TENM3: variants seen among roughly 807,000 people sequenced by gnomAD.
TENM3 encodes the protein teneurin transmembrane protein 3.
In TENM3, 63 loss-of-function variants were observed where a neutral mutation model predicts 255.1. The observed-to-expected ratio is 0.25, with a 90% confidence interval of 0.20 to 0.30. The LOEUF (loss-of-function observed/expected upper bound fraction) is 0.30, where lower values mean the gene tolerates loss of function less well. Ranked by LOEUF, TENM3 falls within the 10% of genes least tolerant of loss-of-function variation. The pLI, the probability that TENM3 is intolerant of heterozygous loss-of-function variation, is 1.00. For missense variants in TENM3, 2,929 were observed against 3,461.1 expected (o/e 0.85, Z 3.86); for synonymous variants, 1,306 against 1,322.3 (o/e 0.99, Z 0.27).
At chr4:182,543,787 A>G (rs1198485112) in intron 3 of TENM3, among the ~76,000 whole-genome samples, 2 of 151,708 alleles carry the variant, frequency 1.3e-5, no homozygotes, top group Non-Finnish European at 2.9e-5. Context: ...TGTGTCAGCT[A>G]CTCTATTTTA....
At chr4:182,435,035 A>G (rs1580529653) in intron 3 of TENM3, among the ~76,000 whole-genome samples, 1 of 152,204 alleles carries the variant, frequency 6.6e-6, no homozygotes, top group African/African-American at 2.4e-5. Flanking sequence ...GTCTATAAAA[A>G]TATAATTCTG....
At chr4:182,381,809 C>T (rs1399936611) in intron 3 of TENM3, among the ~76,000 whole-genome samples, 1 of 152,200 alleles carries the variant, frequency 6.6e-6, no homozygotes, top group African/African-American at 2.4e-5. Flanking sequence ...GATCTGCCCG[C>T]ATCGGCCTCC....
At chr4:182,505,386 G>T (rs1235954579) in intron 3 of TENM3, among the ~76,000 whole-genome samples, 2 of 152,048 alleles carry the variant, frequency 1.3e-5, no homozygotes, top group African/African-American at 4.8e-5. Context: ...ATAATTAAAT[G>T]TCTAAATTAT....
intron 17 of TENM3, among the ~76,000 whole-genome samples, 180 bp from the exon 18 acceptor site, chr4:182,738,220 CT>C (rs869047806): frequency 3.3e-5 from 5 of 151,908 alleles, no homozygotes; most frequent in African/African-American, 1.2e-4. Flanking sequence ...ATTTGGAGAT[CT>C]TTTTTTAAAA....
At chr4:182,507,331 T>C (rs1212450928) in intron 3 of TENM3, among the ~76,000 whole-genome samples, 1 of 152,198 alleles carries the variant, frequency 6.6e-6, no homozygotes, top group Non-Finnish European at 1.5e-5. Flanking sequence ...CCAGCTTTAC[T>C]GTTTTCTTTT....
At chr4:181,523,907 C>T in the TENM3 span, among the ~76,000 whole-genome samples, 1 of 152,152 alleles carries the variant, frequency 6.6e-6, no homozygotes, top group East Asian at 1.9e-4. Context: ...CTCTGAAGAG[C>T]TTTCATTTGA....
chr4:182,425,090 T>A (rs1014556867), intron 3 of TENM3, among the ~76,000 whole-genome samples: 31 of 152,198 alleles, frequency 2.0e-4, no homozygotes, highest in African/African-American at 5.1e-4. Flanking sequence ...CTGGTATTAA[T>A]GAGGAAAATA....
At chr4:182,743,498 AT>A (rs1761762445) in intron 19 of TENM3, 79 bp downstream of exon 19, 1 of 1,471,276 alleles carries the variant, frequency 6.8e-7, no homozygotes, top group Non-Finnish European at 9.3e-7. Context: ...TGATGTACTG[AT>A]TTATTCATAG....
intron 3 of TENM3, among the ~76,000 whole-genome samples, chr4:182,469,724 A>G (rs973581730): frequency 6.6e-6 from 1 of 152,004 alleles, no homozygotes; most frequent in African/African-American, 2.4e-5. Flanking sequence ...AAAAAAAAAA[A>G]AAAAAGAGAA....
chr4:182,387,172 C>T (rs1768010233), intron 3 of TENM3, among the ~76,000 whole-genome samples: 1 of 151,984 alleles, frequency 6.6e-6, no homozygotes, highest in Admixed American at 6.6e-5. Flanking sequence ...ATGTCTACCT[C>T]AGGGATTGTA....
chr4:182,794,161 A>T (rs1766318895), intron 26 of TENM3, among the ~76,000 whole-genome samples: 1 of 152,188 alleles, frequency 6.6e-6, no homozygotes, highest in African/African-American at 2.4e-5. Context: ...AACATGGGGG[A>T]CCAAAAAACA....
the TENM3 span, among the ~76,000 whole-genome samples, chr4:181,933,591 G>T: frequency 9.9e-5 from 15 of 152,240 alleles, no homozygotes; most frequent in South Asian, 2.1e-4. Flanking sequence ...AGGGTTAATA[G>T]GTCTATCTAG....
the TENM3 span, among the ~76,000 whole-genome samples, chr4:181,664,752 G>T: frequency 2.0e-5 from 3 of 152,054 alleles, no homozygotes; most frequent in Admixed American, 1.3e-4. Flanking sequence ...GATGTCCATG[G>T]CTTTCTCCCT....
the TENM3 span, among the ~76,000 whole-genome samples, chr4:181,677,106 A>T: frequency 6.7e-6 from 1 of 149,986 alleles, no homozygotes; most frequent in Admixed American, 6.7e-5. Context: ...ACTTCATTTT[A>T]ATATTGTTTC....
chr4:182,182,597 A>T lies in TENM3; in HGVS notation c.-76+37843A>T, dbSNP rs139695845. 4.6e-3 allele frequency among the ~76,000 whole-genome samples: 698 copies of T among 152,298 alleles called. 3 individuals carry two copies. Among genetic ancestry groups the T allele is most frequent in the African/African-American group, 0.016 (663 of 41,566 alleles). On this transcript the variant is annotated intron_variant, in intron 1 of 2. Coordinates refer to the TENM3 transcript ENST00000512480. ...ATGATCTAATTATTCTAAATGACAG[A>T]AGTATGAGCCTGCCTGCTAAAGCAG...
At chr4:182,070,505 T>C in the TENM3 span, among the ~76,000 whole-genome samples, 1 of 152,098 alleles carries the variant, frequency 6.6e-6, no homozygotes, top group African/African-American at 2.4e-5. Flanking sequence ...TAATCCCAGC[T>C]ACTTGGGAGG....
chr4:182,031,528 C>A, the TENM3 span, among the ~76,000 whole-genome samples: 1 of 152,066 alleles, frequency 6.6e-6, no homozygotes, highest in Non-Finnish European at 1.5e-5. Context: ...ATTGTCTTGG[C>A]TATATGGGGT....
the TENM3 span, among the ~76,000 whole-genome samples, chr4:181,977,783 T>C: frequency 6.6e-6 from 1 of 152,176 alleles, no homozygotes; most frequent in Admixed American, 6.5e-5. Flanking sequence ...ACCAATCTTT[T>C]TCCTGTGGAT....
chr4:182,671,089 C>T (rs1755166886), intron 6 of TENM3, among the ~76,000 whole-genome samples: 1 of 152,150 alleles, frequency 6.6e-6, no homozygotes, highest in Admixed American at 6.5e-5. Flanking sequence ...CCCTTCCCAA[C>T]CTTATCCCGC....
Sources: gnomAD v4.1 joint callset for allele counts (sites outside exome capture counted in the v4.1 genomes callset) on GRCh38, gnomAD v4.1.1 for gene constraint, MANE v1.5 for transcripts, NCBI Gene and HGNC (gene_info 2026-07-23, HGNC 2026-07-21) for gene names.